Variants in AATF observed in about 807,000 individuals in gnomAD.
AATF encodes apoptosis antagonizing transcription factor.
In AATF, 48 loss-of-function variants were observed where a neutral mutation model predicts 63.7. The observed-to-expected ratio is 0.75, with a 90% confidence interval of 0.60 to 0.96. The LOEUF is 0.96. Ranked by LOEUF, AATF falls within the 40% of genes least tolerant of loss-of-function variation. The pLI, the probability that AATF is intolerant of heterozygous loss-of-function variation, is 0.00. For synonymous variants in AATF, 258 were observed against 247.7 expected (o/e 1.04, Z -0.39); for missense variants, 639 against 685.7 (o/e 0.93, Z 0.76).
intron 8 of AATF, among the ~76,000 whole-genome samples, chr17:37,005,357 C>T (rs971186143): frequency 6.6e-6 from 1 of 151,970 alleles, no homozygotes; most frequent in Non-Finnish European, 1.5e-5. Flanking sequence ...GAAGTAAGCA[C>T]AGGAGGAGAG....
At chr17:37,038,137 A>C (rs2071608023) in intron 11 of AATF, among the ~76,000 whole-genome samples, 1 of 152,176 alleles carries the variant, frequency 6.6e-6, no homozygotes, top group Non-Finnish European at 1.5e-5. Flanking sequence ...CCTAATACAG[A>C]AGCATTCCAA....
intron 8 of AATF, among the ~76,000 whole-genome samples, chr17:37,018,035 C>G (rs2071440713): frequency 6.6e-6 from 1 of 152,216 alleles, no homozygotes. Flanking sequence ...AGATGATTAG[C>G]AGAACTAGTT....
At chr17:36,965,843 G>T (rs908458719) in intron 4 of AATF, among the ~76,000 whole-genome samples, 1 of 151,608 alleles carries the variant, frequency 6.6e-6, no homozygotes, top group African/African-American at 2.4e-5. Flanking sequence ...CTGGGCCTCA[G>T]GTGCGTGCCA....
chr17:36,953,618 C>A, intron 3 of AATF, 152 bp from the exon 4 acceptor site: 2 of 790,042 alleles, frequency 2.5e-6, no homozygotes, highest in Non-Finnish European at 4.0e-6. Flanking sequence ...AATTTATTTT[C>A]TCTAATAGAG....
intron 11 of AATF, among the ~76,000 whole-genome samples, chr17:37,047,701 G>T (rs565529865): frequency 6.6e-6 from 1 of 152,238 alleles, no homozygotes; most frequent in Non-Finnish European, 1.5e-5. Flanking sequence ...CCAAAAGAAC[G>T]AATTGGAACA....
chr17:36,970,153 G>A (rs1377676948), intron 4 of AATF, among the ~76,000 whole-genome samples: 35 of 152,296 alleles, frequency 2.3e-4, no homozygotes, highest in Non-Finnish European at 1.5e-5. Flanking sequence ...GAATGGCTGA[G>A]TCGCATGGTA....
intron 8 of AATF, among the ~76,000 whole-genome samples, chr17:37,013,125 A>G (rs778949815): frequency 1.2e-4 from 19 of 152,206 alleles, no homozygotes; most frequent in Non-Finnish European, 2.2e-4. Flanking sequence ...CTCAATAACA[A>G]AAAGACAAAT....
chr17:37,028,948 TG>T (rs1164386302), intron 10 of AATF, among the ~76,000 whole-genome samples: 1 of 151,022 alleles, frequency 6.6e-6, no homozygotes, highest in Non-Finnish European at 1.5e-5. Context: ...TTCAAAATTG[TG>T]TGAATATATA....
chr17:37,056,646 C>G lies in AATF; in HGVS notation c.1665C>G (p.Asp555Glu). ...TTTTTGGCCAGCTCCACCCTCCCGA[C>G]GAAGGCCACGGGGATTGACATCGCC... is the stretch of plus-strand genomic sequence containing the variant. ...RSLFGQLHPP[D>E]EGHGD The change falls in exon 12 of 12, where the codon GAC becomes GAG. Residue 555 changes from aspartate to glutamate, a missense_variant. Transcript: ENST00000619387. 6.2e-6 allele frequency: 10 copies of G among 1,614,222 alleles called. No individual in the cohort carries two copies. The highest frequency in any genetic ancestry group is 7.6e-6 in the Non-Finnish European group (9 of 1,180,046).
chr17:36,991,001 C>G, intron 8 of AATF, 144 bp downstream of exon 8: 1 of 522,864 alleles, frequency 1.9e-6, no homozygotes, highest in East Asian at 3.3e-5. Context: ...AATTGACTTA[C>G]AGTGTCATTG....
chr17:36,979,652 T>G (rs767243481), intron 4 of AATF, among the ~76,000 whole-genome samples: 2 of 152,222 alleles, frequency 1.3e-5, no homozygotes, highest in Non-Finnish European at 2.9e-5. Flanking sequence ...CGTATTTATT[T>G]AAAAACAACT....
chr17:36,961,984 GT>G (rs1287385384), intron 4 of AATF, among the ~76,000 whole-genome samples: 1 of 151,972 alleles, frequency 6.6e-6, no homozygotes, highest in Non-Finnish European at 1.5e-5. Flanking sequence ...CTTGTACATT[GT>G]TTTTTTAAAA....
intron 11 of AATF, among the ~76,000 whole-genome samples, chr17:37,051,746 TG>T (rs745574641): frequency 1.9e-4 from 29 of 151,712 alleles, no homozygotes; most frequent in Non-Finnish European, 3.2e-4. Flanking sequence ...TCTGTCTTTA[TG>T]GAAAATGGCG....
At chr17:36,995,994 T>C (rs541389403) in intron 8 of AATF, among the ~76,000 whole-genome samples, 1 of 152,348 alleles carries the variant, frequency 6.6e-6, no homozygotes, top group East Asian at 1.9e-4. Context: ...TGTCTTCTGT[T>C]CAGGGCAGTA....
At chr17:37,001,405 G>GAGGAAGGAAGGAAGGAAGGA (rs1212807271) in intron 8 of AATF, among the ~76,000 whole-genome samples, 25 of 63,832 alleles carry the variant, frequency 3.9e-4, no homozygotes, top group South Asian at 1.5e-3. Context: ...AGGAGGGAGG[G>GAGGAAGGAAGGAAGGAAGGA]AGGAAGGAAG....
chr17:37,004,792 C>CACTCTGTACCTACT (rs1294318359), intron 8 of AATF, among the ~76,000 whole-genome samples: 2 of 152,154 alleles, frequency 1.3e-5, no homozygotes, highest in Non-Finnish European at 2.9e-5. Context: ...AGCGTAGCTG[C>CACTCTGTACCTACT]ACTGTCAGGT....
chr17:37,056,302 T>G (rs1355477113), intron 11 of AATF: 6 of 366,168 alleles, frequency 1.6e-5, no homozygotes, highest in African/African-American at 4.1e-5. Flanking sequence ...TACATCCTAT[T>G]AAAATATTCA....
chr17:36,989,434 T>A, intron 7 of AATF, 23 bp downstream of exon 7: 5 of 1,577,818 alleles, frequency 3.2e-6, no homozygotes, highest in Non-Finnish European at 4.3e-6. Context: ...TAATGCAGAG[T>A]GATTATGGGG....
intron 8 of AATF, among the ~76,000 whole-genome samples, chr17:37,007,832 C>T (rs1394586144): frequency 1.3e-5 from 2 of 152,090 alleles, no homozygotes; most frequent in Non-Finnish European, 2.9e-5. Context: ...ATTGTGTAAT[C>T]AGGGTATTGT....
Sources: allele counts gnomAD v4.1 joint callset (sites outside exome capture counted in the v4.1 genomes callset), GRCh38; gene constraint gnomAD v4.1.1; transcripts MANE v1.5; gene names NCBI Gene and HGNC (gene_info 2026-07-23, HGNC 2026-07-21).